MORN1: variants seen among roughly 807,000 people sequenced by gnomAD.
MORN1 encodes MORN repeat-containing protein 1.
A neutral mutation model predicts 61.9 loss-of-function variants in MORN1; 67 were observed. The observed-to-expected ratio is 1.08, with a 90% CI of 0.89 to 1.33. MORN1 has a LOEUF of 1.33. MORN1 is among the 40% of genes most tolerant of loss of function. The pLI, the probability that MORN1 is intolerant of heterozygous loss-of-function variation, is 0.00. For synonymous variants in MORN1, 301 were observed against 292.0 expected (o/e 1.03, Z -0.31); for missense variants, 752 against 691.2 (o/e 1.09, Z -0.99).
At chr1:2,327,736 C>T (rs1641067557) in intron 12 of MORN1, among the ~76,000 whole-genome samples, 1 of 152,358 alleles carries the variant, frequency 6.6e-6, no homozygotes, top group South Asian at 2.1e-4. Flanking sequence ...GCAGGCGGCA[C>T]CACCTCTGCA....
intron 10 of MORN1, among the ~76,000 whole-genome samples, chr1:2,349,179 C>T (rs1641595684): frequency 6.6e-6 from 1 of 152,218 alleles, no homozygotes; most frequent in Non-Finnish European, 1.5e-5. Flanking sequence ...TGAATTGTTC[C>T]AGGCGGGAAG....
chr1:2,342,857 ATTTTATTTTATTTAT>A (rs1482861437), intron 10 of MORN1, among the ~76,000 whole-genome samples: 17 of 100,190 alleles, frequency 1.7e-4, no homozygotes, highest in African/African-American at 3.9e-4. Context: ...ATTTTATTTT[ATTTTATTTTATTTAT>A]TTTATTTTAT....
chr1:2,348,313 C>G (rs114976947), intron 10 of MORN1, among the ~76,000 whole-genome samples: 2,434 of 152,314 alleles, frequency 0.016, 67 homozygotes, highest in African/African-American at 0.055. Flanking sequence ...TCATGGATGG[C>G]TCTGCTCAGC....
At chr1:2,342,405 G>C (rs777343461) in intron 10 of MORN1, among the ~76,000 whole-genome samples, 2 of 152,268 alleles carry the variant, frequency 1.3e-5, no homozygotes, top group African/African-American at 2.4e-5. Context: ...CTTCGTTTAA[G>C]TGGATTAAAA....
At chr1:2,387,860 C>A in intron 3 of MORN1, 1 of 430,534 alleles carries the variant, frequency 2.3e-6, no homozygotes, top group Non-Finnish European at 4.2e-6. Flanking sequence ...AGAGAAAACA[C>A]CTCCACTGAG....
intron 10 of MORN1, among the ~76,000 whole-genome samples, chr1:2,346,667 T>A (rs932208392): frequency 2.6e-5 from 4 of 152,178 alleles, no homozygotes; most frequent in African/African-American, 9.7e-5. Context: ...ATTACAGGCG[T>A]GAGCCACCGC....
chr1:2,345,464 C>T (rs1641492392), intron 10 of MORN1, among the ~76,000 whole-genome samples: 1 of 152,240 alleles, frequency 6.6e-6, no homozygotes, highest in Non-Finnish European at 1.5e-5. Context: ...CCCTACGTGG[C>T]TCTGAACAAC....
At chr1:2,336,440 C>T (rs1641280538) in intron 12 of MORN1, 29 bp downstream of exon 12, 1 of 1,604,494 alleles carries the variant, frequency 6.2e-7, no homozygotes, top group Admixed American at 1.7e-5. Flanking sequence ...ACCCTCCGAA[C>T]ACCTGCAGGT....
chr1:2,365,935 T>C (rs1641986606), intron 8 of MORN1, among the ~76,000 whole-genome samples: 1 of 144,338 alleles, frequency 6.9e-6, no homozygotes, highest in East Asian at 2.0e-4. Context: ...CTCAGGGATC[T>C]AGAACTAGAA....
chr1:2,362,375 A>T (rs568793332), intron 8 of MORN1, among the ~76,000 whole-genome samples: 1 of 152,364 alleles, frequency 6.6e-6, no homozygotes, highest in East Asian at 1.9e-4. Context: ...TGGCCAAGGC[A>T]GAGGAAAACC....
chr1:2,336,877 C>T, intron 10 of MORN1, 27 bp from the exon 11 acceptor site: 4 of 1,528,022 alleles, frequency 2.6e-6, no homozygotes, highest in East Asian at 2.3e-5. Flanking sequence ...AAGAAAGACC[C>T]TATGAGGGGC....
chr1:2,384,621 C>T (rs1009020704), intron 6 of MORN1, among the ~76,000 whole-genome samples: 1 of 152,244 alleles, frequency 6.6e-6, no homozygotes, highest in Middle Eastern at 3.2e-3. Context: ...GAAGGCCCCG[C>T]CTCAGCTGCG....
intron 6 of MORN1, chr1:2,378,617 C>G (rs1418320800): frequency 1.3e-4 from 38 of 281,564 alleles, no homozygotes; most frequent in South Asian, 1.3e-3. Flanking sequence ...CCAACACTCA[C>G]GGCGCAGCTG....
rs56393204 is a variant in MORN1, at chr1:2,322,455, G to A, written c.1298-876C>T. The stretch of plus-strand genomic sequence containing the variant: ...CCCCTCGCAGAGCGGCGGCCTCCTC[G>A]GCCAGGCCACGGGCTCGGCCGCCTG... On this transcript the variant is annotated intron_variant, in intron 13 of 13. Coordinates refer to ENST00000378531, the MANE Select transcript of MORN1 (RefSeq NM_024848.3). 4,918 of 985,350 alleles carry A rather than the reference G, an allele frequency of 5.0e-3. 14 individuals are homozygous for A. The highest frequency in any genetic ancestry group is 9.0e-3 in the Admixed American group (147 of 16,286). 61.0% of individuals were successfully genotyped at this position (985,350 alleles called of 1,614,324 possible). A position where few individuals can be genotyped will look rare whatever the true frequency, so the allele number is the denominator to read the frequency against.
At chr1:2,332,272 G>A (rs1056306447) in intron 12 of MORN1, 16 of 237,506 alleles carry the variant, frequency 6.7e-5, no homozygotes, top group African/African-American at 2.1e-4. Flanking sequence ...GCAGCTGCAC[G>A]AAGGGGACAC....
intron 10 of MORN1, chr1:2,355,398 C>T (rs747291196): frequency 3.7e-5 from 58 of 1,549,564 alleles, no homozygotes; most frequent in Middle Eastern, 3.4e-4. Context: ...ATGACGCCTG[C>T]GCTTGCTGGT....
Position 2,332,609 on chromosome 1 carries a change from C to T in MORN1, c.1250+3860G>A, listed in dbSNP as rs1019251666. 63 of 456,390 alleles carry T rather than the reference C, an allele frequency of 1.4e-4. No individual in the cohort carries two copies. The Admixed American group carries it at 1.4e-3, about 10-fold the overall frequency. The allele number at this position is 456,390 out of a possible 1,614,324, so 28.3% of individuals were successfully genotyped here. A position where few individuals can be genotyped will look rare whatever the true frequency, so the allele number is the denominator to read the frequency against. ...TCCGGCACAGGCCCAGGTTGGGGGC[C>T]AGGAGGGCGCGACGTGGCGTCTGGA... On this transcript the variant is annotated intron_variant, in intron 12 of 13. Coordinates refer to ENST00000378531, the MANE Select transcript of MORN1 (RefSeq NM_024848.3).
intron 10 of MORN1, among the ~76,000 whole-genome samples, chr1:2,349,576 G>GCA (rs1372602276): frequency 6.6e-6 from 1 of 152,130 alleles, no homozygotes; most frequent in Non-Finnish European, 1.5e-5. Flanking sequence ...AGAATTTATA[G>GCA]CACAAACATT....
intron 10 of MORN1, chr1:2,352,414 C>T (rs1641670008): frequency 6.5e-6 from 1 of 153,256 alleles, no homozygotes; most frequent in African/African-American, 2.4e-5. Flanking sequence ...CGAGAAGTCA[C>T]CGTGGCTGGG....
Sources: gnomAD v4.1 joint callset for allele counts (sites outside exome capture counted in the v4.1 genomes callset) on GRCh38, gnomAD v4.1.1 for gene constraint, MANE v1.5 for transcripts, NCBI Gene and HGNC (gene_info 2026-07-23, HGNC 2026-07-21) for gene names.